The following RASSF9 variants were observed in gnomAD, a reference collection of about 807,000 sequenced individuals.
RASSF9 encodes ras association domain-containing protein 9.
In RASSF9, 18 loss-of-function variants were observed where a neutral mutation model predicts 21.4. That is an observed-to-expected ratio of 0.84 (90% CI 0.58 to 1.25). The LOEUF is 1.25. RASSF9 is among the 50% of genes most tolerant of loss of function. The pLI is 0.00. For missense variants in RASSF9, 480 were observed against 503.2 expected (o/e 0.95, Z 0.44); for synonymous variants, 183 against 179.1 (o/e 1.02, Z -0.18).
rs2136548608 is a variant in RASSF9, at chr12:85,805,251, T to G, written c.759A>C (p.Glu253Asp). The stretch of plus-strand genomic sequence containing the variant: ...CGCTCAGGTCCTCCAGAGTCTGGTT[T>G]TCCTCATACTGCAAGTCTAGATTTT... ...VEQNLDLQYE[E>D]NQTLEDLSES... The change falls in exon 2 of 2, where the codon GAA becomes GAC. Residue 253 changes from glutamate (E) to aspartate (D), a missense_variant. Coordinates refer to ENST00000361228, the MANE Select transcript of RASSF9 (RefSeq NM_005447.4). 1 of 1,613,736 alleles carries G rather than the reference T, an allele frequency of 6.2e-7. No individual in the cohort carries two copies. The highest frequency in any genetic ancestry group is 2.2e-5 in the East Asian group (1 of 44,876).
chr12:85,810,376 G>T (rs1879927542), intron 1 of RASSF9, among the ~76,000 whole-genome samples: 2 of 152,000 alleles, frequency 1.3e-5, no homozygotes, highest in Middle Eastern at 3.4e-3. Flanking sequence ...GGAACGTTTT[G>T]TTTGTTTATT....
intron 1 of RASSF9, among the ~76,000 whole-genome samples, chr12:85,816,525 A>G (rs1880069481): frequency 6.6e-6 from 1 of 152,172 alleles, no homozygotes; most frequent in African/African-American, 2.4e-5. Flanking sequence ...GTTAAATATC[A>G]GTACACTTAT....
intron 1 of RASSF9, among the ~76,000 whole-genome samples, chr12:85,813,870 G>T (rs1457210434): frequency 6.6e-6 from 1 of 151,974 alleles, no homozygotes; most frequent in Non-Finnish European, 1.5e-5. Context: ...AAAATATTGA[G>T]AACTCTGAAT....
intron 1 of RASSF9, among the ~76,000 whole-genome samples, chr12:85,824,758 G>A (rs535043891): frequency 6.6e-6 from 1 of 152,156 alleles, no homozygotes; most frequent in East Asian, 1.9e-4. Flanking sequence ...TCTACTATGA[G>A]AACAACCTGC....
chr12:85,809,464 A>G (rs773732395), intron 1 of RASSF9, among the ~76,000 whole-genome samples: 9 of 151,984 alleles, frequency 5.9e-5, no homozygotes, highest in Non-Finnish European at 1.0e-4. Context: ...TCTATAGTTG[A>G]TGCAGTAATA....
chr12:85,821,079 C>T (rs61930072), intron 1 of RASSF9, among the ~76,000 whole-genome samples: 2 of 151,650 alleles, frequency 1.3e-5, no homozygotes, highest in Non-Finnish European at 2.9e-5. Flanking sequence ...GGGAGGTAGA[C>T]GTTGCAGTGA....
At chr12:85,835,468 T>TATCAA (rs1428040797) in intron 1 of RASSF9, among the ~76,000 whole-genome samples, 2 of 152,114 alleles carry the variant, frequency 1.3e-5, no homozygotes, top group African/African-American at 4.8e-5. Flanking sequence ...AAGCTTGAAA[T>TATCAA]ATCAAATCAA....
chr12:85,828,419 A>T (rs963008744), intron 1 of RASSF9, among the ~76,000 whole-genome samples: 8 of 152,128 alleles, frequency 5.3e-5, no homozygotes, highest in African/African-American at 1.9e-4. Flanking sequence ...ATTTACCCTG[A>T]TGTGATTATT....
In RASSF9 at chr12:85,836,142, C is replaced by A. The variant is rs563291430; in HGVS notation, c.47+13G>T. The A allele has an allele frequency of 1.5e-5, 24 of 1,550,746 alleles. No individual in the cohort carries two copies. The highest frequency in any genetic ancestry group is 2.1e-5 in the Non-Finnish European group (24 of 1,146,820). ...AGAGACACACACACACTTACTCACA[C>A]GCTTGACTTTACCTGTTTTTATGCC... On this transcript the variant is annotated intron_variant, in intron 1 of 1. Transcript: ENST00000361228.
At chr12:85,818,578 C>A (rs550825651) in intron 1 of RASSF9, among the ~76,000 whole-genome samples, 15 of 152,288 alleles carry the variant, frequency 9.8e-5, no homozygotes, top group Admixed American at 3.9e-4. Flanking sequence ...AGAAGCTTAT[C>A]TACAATGCAA....
intron 1 of RASSF9, among the ~76,000 whole-genome samples, chr12:85,820,180 A>G (rs1880176114): frequency 6.6e-6 from 1 of 152,186 alleles, no homozygotes; most frequent in Non-Finnish European, 1.5e-5. Flanking sequence ...GACATGAAAA[A>G]CATATGACTC....
chr12:85,806,218 T>C (rs1162462798), intron 1 of RASSF9, among the ~76,000 whole-genome samples: 2 of 151,326 alleles, frequency 1.3e-5, no homozygotes, highest in African/African-American at 4.8e-5. Context: ...GGCTAATTTT[T>C]TTTTTGTATT....
chr12:85,817,535 T>C (rs1880101796), intron 1 of RASSF9, among the ~76,000 whole-genome samples: 1 of 152,012 alleles, frequency 6.6e-6, no homozygotes, highest in Admixed American at 6.6e-5. Context: ...TGCTTAAATG[T>C]ACAATTTTTA....
rs1472776935 is a variant in RASSF9, at chr12:85,803,907, A to T, written c.*795T>A. 2.0e-5 allele frequency: 3 copies of T among 152,234 alleles called. No homozygotes were observed. The allele number at this position is 152,234 out of a possible 1,614,324, so 9.4% of individuals were successfully genotyped here. A position where few individuals can be genotyped will look rare whatever the true frequency, so the allele number is the denominator to read the frequency against. ...CAACTTTTGTAGATAGGACATAAAC[A>T]AATAACACTATGACTGATTTTCTCT... On this transcript the variant is annotated 3_prime_UTR_variant, in exon 2 of 2. Coordinates refer to ENST00000361228, the MANE Select transcript of RASSF9 (RefSeq NM_005447.4).
rs545530754 is a variant in RASSF9, at chr12:85,803,502, G to T, written c.*1200C>A. On this transcript the variant is annotated 3_prime_UTR_variant, in exon 2 of 2. Transcript: ENST00000361228. ...GAAGACGGGAGAAGGAGAGATGAAGGCAGGAAAAGAGAGGAAGTAAGGCAG... is the reference window on the plus strand; with the variant it reads ...GAAGACGGGAGAAGGAGAGATGAAGTCAGGAAAAGAGAGGAAGTAAGGCAG... 4 of 152,132 alleles carry T rather than the reference G, an allele frequency of 2.6e-5. No homozygotes were observed. The highest frequency in any genetic ancestry group is 7.2e-5 in the African/African-American group (3 of 41,502). 9.4% of individuals were successfully genotyped at this position (152,132 alleles called of 1,614,324 possible). A position where few individuals can be genotyped will look rare whatever the true frequency, so the allele number is the denominator to read the frequency against.
intron 1 of RASSF9, among the ~76,000 whole-genome samples, chr12:85,810,054 C>A (rs73176566): frequency 0.12 from 17,682 of 151,914 alleles, 1,281 homozygotes; most frequent in Non-Finnish European, 0.16. Flanking sequence ...ATTTTTAAAA[C>A]TTCTTCTGAG....
chr12:85,813,911 C>G (rs559892609), intron 1 of RASSF9, among the ~76,000 whole-genome samples: 1 of 151,902 alleles, frequency 6.6e-6, no homozygotes, highest in Non-Finnish European at 1.5e-5. Context: ...TGAAATAACT[C>G]TTTATTTCCT....
chr12:85,833,547 A>T (rs1592535771), intron 1 of RASSF9, among the ~76,000 whole-genome samples: 1 of 151,968 alleles, frequency 6.6e-6, no homozygotes, highest in East Asian at 1.9e-4. Context: ...CATGAGGTTC[A>T]ATTTTGGGTA....
intron 1 of RASSF9, among the ~76,000 whole-genome samples, chr12:85,826,310 C>T (rs561559513): frequency 6.6e-6 from 1 of 152,136 alleles, no homozygotes; most frequent in South Asian, 2.1e-4. Flanking sequence ...TGATATTGGC[C>T]CCATGCACTG....
Sources: gnomAD v4.1 joint callset for allele counts (sites outside exome capture counted in the v4.1 genomes callset) on GRCh38, gnomAD v4.1.1 for gene constraint, MANE v1.5 for transcripts, NCBI Gene and HGNC (gene_info 2026-07-23, HGNC 2026-07-21) for gene names.